PTPRZ1: variants seen among roughly 807,000 people sequenced by gnomAD.
PTPRZ1 encodes receptor-type tyrosine-protein phosphatase zeta.
In PTPRZ1, 82 loss-of-function variants were observed where a neutral mutation model predicts 214.1. The ratio of observed to expected loss-of-function variants is 0.38; its 90% CI spans 0.32 to 0.46. The LOEUF (loss-of-function observed/expected upper bound fraction) is 0.46. PTPRZ1 is among the 20% of genes least tolerant of loss of function. PTPRZ1 has a pLI of 1.00. For missense variants in PTPRZ1, 2,603 were observed against 2,748.7 expected (o/e 0.95, Z 1.19); for synonymous variants, 945 against 987.9 (o/e 0.96, Z 0.81).
intron 1 of PTPRZ1, among the ~76,000 whole-genome samples, chr7:121,876,115 T>C (rs544051059): frequency 1.7e-4 from 26 of 152,350 alleles, no homozygotes; most frequent in African/African-American, 6.3e-4. Flanking sequence ...ATCTAAAATG[T>C]CCTGATGTTT....
At chr7:121,950,459 A>G (rs768105682) in intron 2 of PTPRZ1, among the ~76,000 whole-genome samples, 2 of 152,256 alleles carry the variant, frequency 1.3e-5, no homozygotes, top group Non-Finnish European at 2.9e-5. Flanking sequence ...GATGCCAGAT[A>G]GTGATAAAGA....
chr7:122,060,366 C>T (rs773473898), intron 29 of PTPRZ1, among the ~76,000 whole-genome samples: 12 of 152,244 alleles, frequency 7.9e-5, no homozygotes, highest in African/African-American at 2.6e-4. Flanking sequence ...GCACAGTTCG[C>T]GAAAGCATTT....
chr7:121,910,075 TA>T (rs1795225184), intron 1 of PTPRZ1, among the ~76,000 whole-genome samples: 1 of 152,222 alleles, frequency 6.6e-6, no homozygotes, highest in East Asian at 1.9e-4. Context: ...CATTTCCTGG[TA>T]ATCTCCCCTG....
At chr7:122,047,312 A>G (rs1158288126) in intron 23 of PTPRZ1, among the ~76,000 whole-genome samples, 3 of 152,290 alleles carry the variant, frequency 2.0e-5, no homozygotes, top group Non-Finnish European at 4.4e-5. Flanking sequence ...TAAGATAACT[A>G]TAAGAAAACT....
At chr7:121,943,276 A>G (rs956500218) in intron 2 of PTPRZ1, among the ~76,000 whole-genome samples, 2 of 152,190 alleles carry the variant, frequency 1.3e-5, no homozygotes, top group African/African-American at 4.8e-5. Context: ...TTGACAGTGA[A>G]ATTGTCAAAT....
intron 8 of PTPRZ1, among the ~76,000 whole-genome samples, chr7:121,989,159 AC>A (rs1416175040): frequency 6.6e-6 from 1 of 152,194 alleles, no homozygotes; most frequent in Non-Finnish European, 1.5e-5. Context: ...CCATTGTATA[AC>A]AGTCTGCATT....
At chr7:121,954,630 A>T (rs888089568) in intron 2 of PTPRZ1, among the ~76,000 whole-genome samples, 1 of 152,132 alleles carries the variant, frequency 6.6e-6, no homozygotes, top group Non-Finnish European at 1.5e-5. Context: ...GACAGTTTTT[A>T]TATCTTTGGT....
intron 2 of PTPRZ1, among the ~76,000 whole-genome samples, chr7:121,939,233 A>G (rs921601057): frequency 2.6e-5 from 4 of 152,258 alleles, no homozygotes; most frequent in Non-Finnish European, 5.9e-5. Context: ...GGCTTAGCAT[A>G]TAAGAAGTAG....
intron 1 of PTPRZ1, among the ~76,000 whole-genome samples, chr7:121,904,140 CA>C: frequency 6.6e-6 from 1 of 152,114 alleles, no homozygotes; most frequent in Non-Finnish European, 1.5e-5. Context: ...GATAGATCTC[CA>C]AATAATTTCC....
At chr7:122,057,770 C>A (rs954960337) in intron 27 of PTPRZ1, among the ~76,000 whole-genome samples, 4 of 150,378 alleles carry the variant, frequency 2.7e-5, no homozygotes, top group African/African-American at 7.3e-5. Context: ...TAAAAAAATA[C>A]CTTTTACCCT....
chr7:121,988,521 C>T (rs1797839096), intron 8 of PTPRZ1, among the ~76,000 whole-genome samples: 1 of 152,064 alleles, frequency 6.6e-6, no homozygotes, highest in Non-Finnish European at 1.5e-5. Context: ...CATCATAATC[C>T]CTGACCTGCA....
intron 3 of PTPRZ1, among the ~76,000 whole-genome samples, chr7:121,972,196 C>G (rs1797270984): frequency 6.6e-6 from 1 of 152,006 alleles, no homozygotes; most frequent in Non-Finnish European, 1.5e-5. Flanking sequence ...AGTTCCTTCC[C>G]CCTTTGCTCT....
chr7:121,939,428 T>G (rs1796179842), intron 2 of PTPRZ1, among the ~76,000 whole-genome samples: 1 of 152,198 alleles, frequency 6.6e-6, no homozygotes, highest in Non-Finnish European at 1.5e-5. Flanking sequence ...CATTAGCATA[T>G]CTAGGAAGTA....
intron 1 of PTPRZ1, chr7:121,908,366 A>G: frequency 2.0e-5 from 5 of 247,278 alleles, no homozygotes; most frequent in South Asian, 4.3e-5. Flanking sequence ...TCCCTTTGGA[A>G]AAGAATATCA....
At chr7:121,904,007 G>A (rs1373285522) in intron 1 of PTPRZ1, among the ~76,000 whole-genome samples, 1 of 108,920 alleles carries the variant, frequency 9.2e-6, no homozygotes, top group African/African-American at 3.7e-5. Flanking sequence ...CACAATAGTA[G>A]GTGTTTAGAC....
chr7:121,891,451 C>CTTTTTTTTTTTTTTTTTTT lies in PTPRZ1; in HGVS notation c.58+17906_58+17924dup, dbSNP rs58135453. 7.6e-4 allele frequency among the ~76,000 whole-genome samples: 27 copies of CTTTTTTTTTTTTTTTTTTT among 35,756 alleles called. 1 individual carries two copies. Among genetic ancestry groups the CTTTTTTTTTTTTTTTTTTT allele is most frequent in the Admixed American group, 1.1e-3 (3 of 2,782 alleles). The allele number at this position is 35,756 out of a possible 152,430, so 23.5% of individuals were successfully genotyped here. A position where few individuals can be genotyped will look rare whatever the true frequency, so the allele number is the denominator to read the frequency against. The stretch of plus-strand genomic sequence containing the variant: ...AAATATTTGTTGAATAAAACAACCT[C>CTTTTTTTTTTTTTTTTTTT]TTTTTTTTTTTTTTTTTTTTTTTTT... On this transcript the variant is annotated intron_variant, in intron 1 of 29. Coordinates refer to ENST00000393386, the MANE Select transcript of PTPRZ1 (RefSeq NM_002851.3).
intron 13 of PTPRZ1, among the ~76,000 whole-genome samples, chr7:122,023,619 ATATAT>A (rs1395404919): frequency 4.6e-5 from 6 of 131,508 alleles, no homozygotes; most frequent in Non-Finnish European, 9.4e-5. Flanking sequence ...ATATAATTAT[ATATAT>A]TATATGTATA....
At chr7:121,917,846 A>C (rs538072150) in intron 1 of PTPRZ1, among the ~76,000 whole-genome samples, 1 of 152,320 alleles carries the variant, frequency 6.6e-6, no homozygotes, top group Non-Finnish European at 1.5e-5. Flanking sequence ...AAAATTAGTC[A>C]GATCTCCCTT....
rs751104408 is a variant in PTPRZ1, at chr7:121,983,674, C to T, written c.629C>T (p.Ala210Val). The T allele has an allele frequency of 6.2e-7, 1 of 1,608,150 alleles. No individual in the cohort carries two copies. Among genetic ancestry groups the T allele is most frequent in the Non-Finnish European group, 8.5e-7 (1 of 1,177,720 alleles). Residue 210 changes from alanine to valine, a missense_variant, in exon 7 of 30, where the codon GCT becomes GTT. By Grantham distance (64) the Ala-to-Val change is moderately conservative. Transcript: ENST00000393386. Reference sequence around the variant, plus strand: ...TATTATTCCTTTTTAGGGAAGCAGGCTGCTTTAGATCCATTCATACTGTTG... The same window carrying T: ...TATTATTCCTTTTTAGGGAAGCAGGTTGCTTTAGATCCATTCATACTGTTG... ...VESVSRFGKQAALDPFILLNL... is the reference protein window; with the variant it reads ...VESVSRFGKQVALDPFILLNL...
Sources: gnomAD v4.1 joint callset for allele counts (sites outside exome capture counted in the v4.1 genomes callset) on GRCh38, gnomAD v4.1.1 for gene constraint, MANE v1.5 for transcripts, NCBI Gene and HGNC (gene_info 2026-07-23, HGNC 2026-07-21) for gene names.